SENP7: variants seen among roughly 807,000 people sequenced by gnomAD.
SENP7 encodes the protein SUMO specific peptidase 7.
A neutral mutation model predicts 141.2 loss-of-function variants in SENP7; 64 were observed. The observed-to-expected ratio is 0.45, with a 90% CI of 0.37 to 0.56. The LOEUF (loss-of-function observed/expected upper bound fraction) is 0.56. Ranked by LOEUF, SENP7 falls within the 20% of genes least tolerant of loss-of-function variation. The pLI is 0.00. For missense variants in SENP7, 1,025 were observed against 1,212.2 expected, an observed-to-expected ratio of 0.85 and a Z score of 2.29; for synonymous variants, 382 against 426.4, an observed-to-expected ratio of 0.90 and a Z score of 1.28.
At chr3:101,349,217 A>G (rs2059551185) in intron 12 of SENP7, among the ~76,000 whole-genome samples, 1 of 152,180 alleles carries the variant, frequency 6.6e-6, no homozygotes, top group Non-Finnish European at 1.5e-5. Context: ...TAACTCTTCC[A>G]TTCTGAAAAC....
In SENP7 at chr3:101,418,589, G is replaced by T. The variant is rs1192554337; in HGVS notation, c.285-799C>A. On this transcript the variant is annotated intron_variant, in intron 4 of 23. Transcript: ENST00000394095. ...TGTCTATTTTACTACCTATGAAACAGTTTTAGGCACTTTTTGTTTGTTTGC... is the reference window on the plus strand; with the variant it reads ...TGTCTATTTTACTACCTATGAAACATTTTTAGGCACTTTTTGTTTGTTTGC... 3.3e-5 allele frequency among the ~76,000 whole-genome samples: 5 copies of T among 151,354 alleles called. No individual in the cohort carries two copies. In the Middle Eastern group the frequency reaches 0.01, roughly 309 times the overall value.
At chr3:101,457,514 G>T in intron 4 of SENP7, 2 of 1,609,388 alleles carry the variant, frequency 1.2e-6, no homozygotes, top group South Asian at 2.2e-5. Context: ...TGTTAAAGTG[G>T]ATCACTGTTC....
intron 3 of SENP7, among the ~76,000 whole-genome samples, chr3:101,469,055 G>A (rs1245647434): frequency 6.6e-6 from 1 of 152,016 alleles, no homozygotes; most frequent in African/African-American, 2.4e-5. Flanking sequence ...AAAAAAGCAG[G>A]GGTTGCAATC....
At chr3:101,468,966 AC>A (rs888524134) in intron 3 of SENP7, among the ~76,000 whole-genome samples, 1 of 152,124 alleles carries the variant, frequency 6.6e-6, no homozygotes, top group Non-Finnish European at 1.5e-5. Context: ...TATTCAGGAG[AC>A]CCATCTCACA....
chr3:101,442,325 G>A (rs973898640), intron 4 of SENP7, among the ~76,000 whole-genome samples: 17 of 152,220 alleles, frequency 1.1e-4, no homozygotes, highest in African/African-American at 3.6e-4. Flanking sequence ...TGGCAGGGGA[G>A]TATGGACTGT....
At chr3:101,463,308 C>G (rs541410100) in intron 3 of SENP7, among the ~76,000 whole-genome samples, 3 of 147,564 alleles carry the variant, frequency 2.0e-5, no homozygotes, top group Non-Finnish European at 4.5e-5. Flanking sequence ...ATAATCGTAC[C>G]ACTGCAGTCA....
intron 3 of SENP7, among the ~76,000 whole-genome samples, chr3:101,467,743 G>A (rs2063814922): frequency 6.6e-6 from 1 of 152,166 alleles, no homozygotes; most frequent in Admixed American, 6.5e-5. Flanking sequence ...AAACCACAAA[G>A]GGGGAGAAAC....
intron 6 of SENP7, among the ~76,000 whole-genome samples, chr3:101,380,454 C>T (rs2060470474): frequency 7.1e-6 from 1 of 140,426 alleles, no homozygotes; most frequent in African/African-American, 2.6e-5. Context: ...CCCACACACA[C>T]ACACAAAACA....
chr3:101,457,651 G>T, intron 4 of SENP7: 1 of 1,513,052 alleles, frequency 6.6e-7, no homozygotes, highest in Non-Finnish European at 9.2e-7. Flanking sequence ...TTCCTTCTAC[G>T]AGCAGTTCCT....
intron 12 of SENP7, among the ~76,000 whole-genome samples, chr3:101,350,465 G>A (rs2059584900): frequency 6.6e-6 from 1 of 151,912 alleles, no homozygotes; most frequent in Non-Finnish European, 1.5e-5. Flanking sequence ...ACTTGGACAG[G>A]ACTTGAGGAA....
chr3:101,506,481 G>A (rs983141449), intron 1 of SENP7, among the ~76,000 whole-genome samples: 6 of 152,004 alleles, frequency 3.9e-5, no homozygotes, highest in African/African-American at 7.3e-5. Flanking sequence ...CTTGCCCAAC[G>A]TTACCATAGT....
At position 101,377,467 on chromosome 3, in the gene SENP7, A is replaced by G. The variant is rs531034936; in HGVS notation, c.678-5341T>C. Among the ~76,000 whole-genome samples the G allele has an allele frequency of 3.9e-5, 6 of 152,310 alleles. No homozygotes were observed. In the South Asian group the frequency reaches 1.2e-3, roughly 32 times the overall value. On this transcript the variant is annotated intron_variant, in intron 6 of 23. Transcript: ENST00000394095. ...GTGTACATAAGTCTAAGAGTTAAAAATCCCAGAGGACTTAGTCATAAAGGG... is the reference window on the plus strand; with the variant it reads ...GTGTACATAAGTCTAAGAGTTAAAAGTCCCAGAGGACTTAGTCATAAAGGG...
intron 5 of SENP7, among the ~76,000 whole-genome samples, chr3:101,417,390 T>C (rs1262226810): frequency 6.6e-6 from 1 of 152,186 alleles, no homozygotes; most frequent in Non-Finnish European, 1.5e-5. Flanking sequence ...TATAATTCCA[T>C]GTCAATCTGC....
intron 6 of SENP7, among the ~76,000 whole-genome samples, chr3:101,375,317 C>T (rs1004643374): frequency 4.0e-5 from 6 of 151,790 alleles, no homozygotes; most frequent in South Asian, 2.1e-4. Flanking sequence ...CTGAGGCGGG[C>T]GGATCACCTG....
At chr3:101,410,530 A>G (rs1167858057) in intron 5 of SENP7, among the ~76,000 whole-genome samples, 1 of 152,208 alleles carries the variant, frequency 6.6e-6, no homozygotes, top group Non-Finnish European at 1.5e-5. Flanking sequence ...CCAAATGCCC[A>G]TCCATCAACA....
chr3:101,407,333 T>C (rs1166347672), intron 5 of SENP7, among the ~76,000 whole-genome samples: 8 of 152,070 alleles, frequency 5.3e-5, no homozygotes, highest in Non-Finnish European at 4.4e-5. Context: ...AACACAGTAA[T>C]AGTAGGGGAC....
intron 11 of SENP7, chr3:101,357,409 C>G (rs986270182): frequency 2.6e-6 from 2 of 776,758 alleles, no homozygotes; most frequent in African/African-American, 3.5e-5. Flanking sequence ...ACCTGATGAC[C>G]TGTCTGGAAC....
At chr3:101,487,916 T>A (rs151284136) in intron 3 of SENP7, among the ~76,000 whole-genome samples, 379 of 152,326 alleles carry the variant, frequency 2.5e-3, no homozygotes, top group African/African-American at 8.9e-3. Flanking sequence ...TTTATTCTTT[T>A]TGTTTAGGAT....
intron 3 of SENP7, among the ~76,000 whole-genome samples, chr3:101,466,750 C>T (rs981829161): frequency 3.3e-5 from 5 of 152,150 alleles, no homozygotes; most frequent in African/African-American, 4.8e-5. Context: ...CTCCAGTCTG[C>T]GGCTCCCAGC....
Sources: gnomAD v4.1 joint callset for allele counts (sites outside exome capture counted in the v4.1 genomes callset) on GRCh38, gnomAD v4.1.1 for gene constraint, MANE v1.5 for transcripts, NCBI Gene and HGNC (gene_info 2026-07-23, HGNC 2026-07-21) for gene names.